Variants in PRKG1 observed in about 807,000 individuals in gnomAD.
PRKG1 encodes cGMP-dependent protein kinase 1.
A neutral mutation model predicts 88.1 loss-of-function variants in PRKG1; 35 were observed. The observed-to-expected ratio is 0.40, with a 90% CI of 0.30 to 0.53. The LOEUF (loss-of-function observed/expected upper bound fraction) is 0.53. PRKG1 is among the 20% of genes least tolerant of loss of function. The pLI, the probability that PRKG1 is intolerant of heterozygous loss-of-function variation, is 0.59. For missense variants in PRKG1, 540 were observed against 839.8 expected (o/e 0.64, Z 4.41); for synonymous variants, 303 against 292.5 (o/e 1.04, Z -0.37).
intron 2 of PRKG1, among the ~76,000 whole-genome samples, chr10:51,256,702 A>T (rs1480868165): frequency 6.6e-6 from 1 of 152,162 alleles, no homozygotes; most frequent in Non-Finnish European, 1.5e-5. Context: ...CTAAGAAAGA[A>T]AAGTTAGATT....
chr10:51,712,015 G>A (rs59128924), intron 3 of PRKG1, among the ~76,000 whole-genome samples: 2,037 of 152,238 alleles, frequency 0.013, 53 homozygotes, highest in African/African-American at 0.047. Flanking sequence ...AGAGGAAAGC[G>A]TATAAATTTA....
intron 2 of PRKG1, among the ~76,000 whole-genome samples, chr10:51,407,859 T>C (rs1837963987): frequency 6.6e-6 from 1 of 152,226 alleles, no homozygotes; most frequent in Non-Finnish European, 1.5e-5. Flanking sequence ...TTCATCTTGA[T>C]AGTCTGGGTC....
chr10:51,637,993 T>C (rs1260302127), intron 3 of PRKG1, among the ~76,000 whole-genome samples: 2 of 152,102 alleles, frequency 1.3e-5, no homozygotes, highest in Non-Finnish European at 2.9e-5. Context: ...TGAAAGTAGC[T>C]AAGTGCAGTT....
intron 2 of PRKG1, among the ~76,000 whole-genome samples, chr10:51,275,562 A>C (rs1840093732): frequency 6.6e-6 from 1 of 152,200 alleles, no homozygotes; most frequent in Non-Finnish European, 1.5e-5. Flanking sequence ...TGATACAAAT[A>C]TGTTTATTTC....
rs540372411 is a variant in PRKG1, at chr10:52,025,868, TA to T, written c.763-28614del. ...ACTTTAAATTTAGCTAAGTCAATCC[TA>T]AGCAAAAAGAACAAAGCTGGAGGCA... is the stretch of plus-strand genomic sequence containing the variant. On this transcript the variant is annotated intron_variant, in intron 5 of 17. Coordinates refer to ENST00000373980, the MANE Select transcript of PRKG1 (RefSeq NM_006258.4). Among the ~76,000 whole-genome samples the T allele has an allele frequency of 3.0e-3, 449 of 151,448 alleles. 6 individuals are homozygous for T. Among genetic ancestry groups the T allele is most frequent in the African/African-American group, 0.01 (422 of 41,304 alleles).
chr10:51,330,392 T>C (rs1009813705), intron 2 of PRKG1, among the ~76,000 whole-genome samples: 6 of 151,938 alleles, frequency 3.9e-5, no homozygotes, highest in Non-Finnish European at 7.4e-5. Flanking sequence ...CTCAGGTGAT[T>C]CACCTGCCTT....
intron 1 of PRKG1, among the ~76,000 whole-genome samples, chr10:51,049,113 G>A (rs1044891768): frequency 6.6e-6 from 1 of 152,102 alleles, no homozygotes; most frequent in Non-Finnish European, 1.5e-5. Flanking sequence ...GTCCCACACC[G>A]GCAATTAACT....
At chr10:51,374,207 CG>C (rs1019069804) in intron 2 of PRKG1, among the ~76,000 whole-genome samples, 2 of 150,834 alleles carry the variant, frequency 1.3e-5, no homozygotes, top group Non-Finnish European at 3.0e-5. Flanking sequence ...ATCTATGTTA[CG>C]TATTTCTCCT....
chr10:51,477,612 T>C (rs1236640304), intron 3 of PRKG1, among the ~76,000 whole-genome samples: 1 of 151,958 alleles, frequency 6.6e-6, no homozygotes, highest in African/African-American at 2.4e-5. Context: ...GGAATGCCTG[T>C]GATGTGCTTA....
intron 1 of PRKG1, chr10:51,062,517 G>A (rs748622008): frequency 7.9e-5 from 12 of 152,184 alleles, no homozygotes; most frequent in Non-Finnish European, 1.3e-4. Context: ...ATTATTATAG[G>A]TGGGAGGGTT....
At chr10:51,126,355 TTTA>T (rs1344547697) in intron 1 of PRKG1, among the ~76,000 whole-genome samples, 1 of 134,540 alleles carries the variant, frequency 7.4e-6, no homozygotes, top group Non-Finnish European at 1.5e-5. Context: ...TACTTTATAT[TTTA>T]TTATTTTATA....
intron 9 of PRKG1, among the ~76,000 whole-genome samples, chr10:52,169,763 C>T (rs181754498): frequency 1.3e-5 from 2 of 152,266 alleles, no homozygotes; most frequent in East Asian, 3.9e-4. Context: ...AATGAGCTTA[C>T]ACCAAATAAT....
intron 2 of PRKG1, among the ~76,000 whole-genome samples, chr10:51,214,640 C>T (rs1838321930): frequency 2.0e-5 from 3 of 151,182 alleles, no homozygotes; most frequent in Non-Finnish European, 3.0e-5. Context: ...ACACCCCCAG[C>T]TATATTTTTT....
chr10:51,316,216 C>A (rs537271030), intron 2 of PRKG1, among the ~76,000 whole-genome samples: 53 of 152,216 alleles, frequency 3.5e-4, no homozygotes. Flanking sequence ...TGTATGGAGA[C>A]TCTCAGAGCT....
intron 3 of PRKG1, among the ~76,000 whole-genome samples, chr10:51,650,046 A>C (rs1840002962): frequency 1.3e-5 from 2 of 152,038 alleles, no homozygotes; most frequent in Admixed American, 1.3e-4. Flanking sequence ...AGGTCTAACT[A>C]TCCTCATCTC....
At chr10:52,193,158 AT>A (rs1839408358) in intron 9 of PRKG1, among the ~76,000 whole-genome samples, 1 of 152,150 alleles carries the variant, frequency 6.6e-6, no homozygotes, top group African/African-American at 2.4e-5. Flanking sequence ...CACCTTAGAA[AT>A]TGTCCATTGT....
At chr10:51,584,016 T>G (rs943754410) in intron 3 of PRKG1, among the ~76,000 whole-genome samples, 1 of 152,100 alleles carries the variant, frequency 6.6e-6, no homozygotes, top group Non-Finnish European at 1.5e-5. Context: ...CTAGCACTTA[T>G]AGCACTTAAT....
chr10:52,066,886 C>T (rs1010267146), intron 7 of PRKG1, among the ~76,000 whole-genome samples: 4 of 152,174 alleles, frequency 2.6e-5, no homozygotes, highest in Non-Finnish European at 5.9e-5. Flanking sequence ...CTCTTTAAAA[C>T]CTGTCCTTTG....
intron 3 of PRKG1, among the ~76,000 whole-genome samples, chr10:51,718,389 G>A (rs987388491): frequency 2.6e-5 from 4 of 152,232 alleles, no homozygotes; most frequent in South Asian, 2.1e-4. Flanking sequence ...ACTGTGGGCC[G>A]GGGAAGGCGA....
Sources: gnomAD v4.1 joint callset for allele counts (sites outside exome capture counted in the v4.1 genomes callset) on GRCh38, gnomAD v4.1.1 for gene constraint, MANE v1.5 for transcripts, NCBI Gene and HGNC (gene_info 2026-07-23, HGNC 2026-07-21) for gene names.